Variants in SLC16A2 observed in about 807,000 individuals in gnomAD.
SLC16A2 encodes the protein monocarboxylate transporter 8.
SLC16A2 carries 3 observed loss-of-function variants against 27.2 expected under a neutral mutation model. That is an observed-to-expected ratio of 0.11 (90% CI 0.05 to 0.28). SLC16A2 has a LOEUF of 0.28. Among genes scored for constraint, SLC16A2 ranks in the 10% least tolerant of loss-of-function variants. SLC16A2 has a pLI of 1.00. For missense variants in SLC16A2, 295 were observed against 458.5 expected (o/e 0.64, Z 3.26); for synonymous variants, 202 against 187.8 (o/e 1.08, Z -0.62).
intron 1 of SLC16A2, among the ~76,000 whole-genome samples, chrX:74,467,804 C>G (rs1312061946): frequency 4.5e-5 from 5 of 111,478 alleles, no homozygotes; most frequent in African/African-American, 1.6e-4. Flanking sequence ...CTCCCAGAAA[C>G]CACTCATGAA....
intron 5 of SLC16A2, 41 bp from the exon 6 acceptor site, chrX:74,531,292 G>A (rs1930564698): frequency 8.9e-7 from 1 of 1,129,259 alleles, no homozygotes; most frequent in Non-Finnish European, 1.2e-6. Context: ...TTGGACAGTA[G>A]GGCAAAGCTG....
rs921977617 is a variant in SLC16A2 at position 74,533,133 on chromosome X, C to G, written c.*1580C>G. 8.9e-6 allele frequency: 1 copy of G among 112,257 alleles called. No homozygotes were observed. The highest frequency in any genetic ancestry group is 3.3e-5 in the African/African-American group (1 of 30,735). 9.3% of individuals were successfully genotyped at this position (112,257 alleles called of 1,213,427 possible). A position where few individuals can be genotyped will look rare whatever the true frequency, so the allele number is the denominator to read the frequency against. On this transcript the variant is annotated 3_prime_UTR_variant, in exon 6 of 6. Coordinates refer to ENST00000587091, the MANE Select transcript of SLC16A2 (RefSeq NM_006517.5). ...AGGCATTCCTGGCTGTCACTTGGAG[C>G]CAACAGTAACTTGCCACCTTAAGGC...
chrX:74,463,094 G>C (rs1929183107), intron 1 of SLC16A2, among the ~76,000 whole-genome samples: 1 of 111,483 alleles, frequency 9.0e-6, no homozygotes, highest in African/African-American at 3.3e-5. Flanking sequence ...AGATTCTTCA[G>C]ATTTTTCCAG....
intron 1 of SLC16A2, among the ~76,000 whole-genome samples, chrX:74,425,027 T>TTTTATTTA (rs748909387): frequency 1.8e-5 from 2 of 111,339 alleles, no homozygotes; most frequent in Non-Finnish European, 3.8e-5. Context: ...CCTGGCTAAT[T>TTTTATTTA]TTTATTTATT....
At chrX:74,454,057 C>T (rs767911944) in intron 1 of SLC16A2, among the ~76,000 whole-genome samples, 1 of 111,209 alleles carries the variant, frequency 9.0e-6, no homozygotes, top group African/African-American at 3.3e-5. Flanking sequence ...TACCATGATG[C>T]CCCTATTCTA....
At chrX:74,450,389 C>G (rs1011709053) in intron 1 of SLC16A2, among the ~76,000 whole-genome samples, 2 of 112,003 alleles carry the variant, frequency 1.8e-5, no homozygotes, top group East Asian at 5.6e-4. Flanking sequence ...GCATGTTCCT[C>G]TCTTTGGGTC....
intron 1 of SLC16A2, among the ~76,000 whole-genome samples, chrX:74,443,312 T>G (rs1928785079): frequency 2.7e-5 from 3 of 111,861 alleles, no homozygotes; most frequent in Non-Finnish European, 5.6e-5. Flanking sequence ...GGATATCTGA[T>G]TCCATATCTA....
chrX:74,494,001 G>A lies in SLC16A2; in HGVS notation c.431-26989G>A, dbSNP rs762970209. Among the ~76,000 whole-genome samples, 8 of 111,347 alleles carry A rather than the reference G, an allele frequency of 7.2e-5. No individual in the cohort carries two copies. The East Asian group carries it at 2.0e-3, about 28-fold the overall frequency. On this transcript the variant is annotated intron_variant, in intron 1 of 5. Transcript: ENST00000587091. ...CTTCCTCCCAAGAAAAGAGCTTCTG[G>A]TCTCTGCCTTCCATTGCCTGGCAAC... is the stretch of plus-strand genomic sequence containing the variant.
Position 74,421,625 on chromosome X carries a change from TC to T in SLC16A2, c.-7del, listed in dbSNP as rs1470289336. On this transcript the variant is annotated 5_prime_UTR_variant, in exon 1 of 6. Coordinates refer to ENST00000587091, the MANE Select transcript of SLC16A2 (RefSeq NM_006517.5). ...GCTCCTCTGGCCCAAGCAGCCACAG[TC>T]CCCCCGCCGCGATGGCGCTGCAAAG... The T allele has an allele frequency of 1.7e-6, 2 of 1,196,261 alleles. No homozygotes were observed. The highest frequency in any genetic ancestry group is 4.5e-5 in the Admixed American group (2 of 44,669).
chrX:74,510,001 G>A (rs1443270185), intron 1 of SLC16A2, among the ~76,000 whole-genome samples: 2 of 112,213 alleles, frequency 1.8e-5, no homozygotes, highest in African/African-American at 6.5e-5. Context: ...GGGTAATACT[G>A]GCCTTATAGA....
intron 1 of SLC16A2, among the ~76,000 whole-genome samples, chrX:74,516,601 T>G (rs1203603810): frequency 9.0e-6 from 1 of 111,318 alleles, no homozygotes; most frequent in Non-Finnish European, 1.9e-5. Flanking sequence ...GAGTACATTT[T>G]TCAGTGGCCA....
At position 74,478,978 on chromosome X, in the gene SLC16A2, C is replaced by T. The variant is rs781226155; in HGVS notation, c.431-42012C>T. ...TTATGTGTCTTGGAGTTGCTCTTCT[C>T]GAGGAGTATCTTTGTGGCGTTCTCT... is the stretch of plus-strand genomic sequence containing the variant. On this transcript the variant is annotated intron_variant, in intron 1 of 5. Coordinates refer to ENST00000587091, the MANE Select transcript of SLC16A2 (RefSeq NM_006517.5). 1.9e-3 allele frequency among the ~76,000 whole-genome samples: 210 copies of T among 110,755 alleles called. 1 individual carries two copies. The highest frequency in any genetic ancestry group is 2.9e-3 in the Non-Finnish European group (152 of 52,915).
At chrX:74,453,134 T>A (rs1468003765) in intron 1 of SLC16A2, among the ~76,000 whole-genome samples, 2 of 107,737 alleles carry the variant, frequency 1.9e-5, no homozygotes, top group East Asian at 3.0e-4. Flanking sequence ...TTCCGCCTCC[T>A]GGGTTCAAGC....
chrX:74,498,351 T>G (rs1237987318), intron 1 of SLC16A2, among the ~76,000 whole-genome samples: 2 of 110,707 alleles, frequency 1.8e-5, no homozygotes, highest in African/African-American at 6.6e-5. Flanking sequence ...GACAATCAAC[T>G]GACCCCACCC....
At chrX:74,508,589 T>TGTA (rs1029093306) in intron 1 of SLC16A2, among the ~76,000 whole-genome samples, 1 of 112,402 alleles carries the variant, frequency 8.9e-6, no homozygotes, top group African/African-American at 3.2e-5. Flanking sequence ...TAGCTTTTTT[T>TGTA]GTAGAGTCCT....
In SLC16A2 at chrX:74,421,656, G is replaced by C; in HGVS notation, c.19G>C (p.Ala7Pro). 1 of 1,204,353 alleles carries C rather than the reference G, an allele frequency of 8.3e-7. No individual in the cohort carries two copies. Among genetic ancestry groups the C allele is most frequent in the Non-Finnish European group, 1.1e-6 (1 of 893,571 alleles). ...CGCCGCGATGGCGCTGCAAAGCCAGGCGAGCGAGGAAGCAAAGGGGCCCTG... is the reference window on the plus strand; with the variant it reads ...CGCCGCGATGGCGCTGCAAAGCCAGCCGAGCGAGGAAGCAAAGGGGCCCTG... MALQSQ[A>P]SEEAKGPWQE... The change falls in exon 1 of 6, where the codon GCG becomes CCG. Residue 7 changes from alanine (A) to proline (P), a missense_variant. Ala to Pro is a conservative substitution (Grantham distance 27). Coordinates refer to ENST00000587091, the MANE Select transcript of SLC16A2 (RefSeq NM_006517.5).
At chrX:74,485,549 G>A (rs1929700784) in intron 1 of SLC16A2, among the ~76,000 whole-genome samples, 2 of 110,501 alleles carry the variant, frequency 1.8e-5, no homozygotes, top group Non-Finnish European at 3.8e-5. Flanking sequence ...AAGATGGGGC[G>A]GCCACTCCCA....
At chrX:74,461,407 AGTGT>A (rs140818072) in intron 1 of SLC16A2, among the ~76,000 whole-genome samples, 141 of 103,814 alleles carry the variant, frequency 1.4e-3, no homozygotes, top group African/African-American at 4.2e-3. Context: ...AGAGAGAGAG[AGTGT>A]GTGTGTGTGT....
rs1022004862 is a variant in SLC16A2 at position 74,522,601 on chromosome X, G to A, written c.575+1467G>A. On this transcript the variant is annotated intron_variant, in intron 2 of 5. Transcript: ENST00000587091. ...CAGCAAAGGTCTGTTTTTTAAGACC[G>A]AGCAGAGCAAAGTGTAAACGGATTA... 4.5e-5 allele frequency among the ~76,000 whole-genome samples: 5 copies of A among 111,839 alleles called. No individual in the cohort carries two copies. The East Asian group carries it at 8.4e-4, about 19-fold the overall frequency.
Sources: gnomAD v4.1 joint callset for allele counts (sites outside exome capture counted in the v4.1 genomes callset) on GRCh38, gnomAD v4.1.1 for gene constraint, MANE v1.5 for transcripts, NCBI Gene and HGNC (gene_info 2026-07-23, HGNC 2026-07-21) for gene names.